KRT23: variants seen among roughly 807,000 people sequenced by gnomAD.
KRT23 encodes the protein keratin 23, also known as keratin, type I cytoskeletal 23.
A neutral mutation model predicts 47.6 loss-of-function variants in KRT23; 38 were observed. That is an observed-to-expected ratio of 0.80 (90% CI 0.62 to 1.05). KRT23 has a LOEUF of 1.05. Among genes scored for constraint, KRT23 ranks in the 50% least tolerant of loss-of-function variants. The probability of loss-of-function intolerance (pLI) is 0.00; values close to 1 mark genes in which losing one functional copy is unlikely to be tolerated. For missense variants in KRT23, 503 were observed against 529.5 expected (o/e 0.95, Z 0.49); for synonymous variants, 191 against 199.0 (o/e 0.96, Z 0.34).
rs1910095162 is a variant in KRT23 at position 40,936,589 on chromosome 17, GT to G, written c.14del (p.His5ProfsTer64). 1 of 1,515,660 alleles carries G rather than the reference GT, an allele frequency of 6.6e-7. No individual in the cohort carries two copies. The highest frequency in any genetic ancestry group is 1.4e-5 in the African/African-American group (1 of 71,552). The allele number at this position is 1,515,660 out of a possible 1,614,324, so 93.9% of individuals were successfully genotyped here. On this transcript the variant is annotated frameshift_variant, in exon 2 of 9. Coordinates refer to ENST00000209718, the MANE Select transcript of KRT23 (RefSeq NM_015515.5). LOFTEE classifies it high-confidence loss of function. ...AGGCCGAGGGGGTCTGGCTGAAGCT[GT>G]GTCCGGAGTTCATGGTCCCATCTGT... MNSG[H>X]SFSQTPSASF...
At chr17:40,931,333 C>T (rs1433243029) in intron 3 of KRT23, 40 bp downstream of exon 3, 1 of 1,492,412 alleles carries the variant, frequency 6.7e-7, no homozygotes, top group African/African-American at 1.4e-5. Flanking sequence ...GTAAAGCAAA[C>T]AAACAAAAAC....
At chr17:40,929,733 T>C (rs1597879709) in intron 4 of KRT23, 1 of 483,776 alleles carries the variant, frequency 2.1e-6, no homozygotes, top group Non-Finnish European at 3.6e-6. Context: ...TAATTATGAT[T>C]GCATTTTGGT....
intron 6 of KRT23, 97 bp downstream of exon 6, chr17:40,928,141 C>T: frequency 2.0e-6 from 3 of 1,480,188 alleles, no homozygotes; most frequent in Non-Finnish European, 2.8e-6. Flanking sequence ...TGAGAGTTGT[C>T]CCAAGGGAGT....
At chr17:40,928,733 T>C in intron 4 of KRT23, 126 bp from the exon 5 acceptor site, 1 of 819,330 alleles carries the variant, frequency 1.2e-6, no homozygotes, top group South Asian at 1.9e-5. Flanking sequence ...CCACTGTCAC[T>C]GGTTTGGTTT....
At chr17:40,925,666 T>C (rs1597874897) in intron 6 of KRT23, 92 bp from the exon 7 acceptor site, 1 of 951,954 alleles carries the variant, frequency 1.1e-6, no homozygotes, top group Non-Finnish European at 1.6e-6. Flanking sequence ...TGTCGACCAG[T>C]TGGCTAGGTG....
intron 4 of KRT23, chr17:40,929,618 G>T: frequency 4.1e-6 from 1 of 241,626 alleles, no homozygotes; most frequent in Non-Finnish European, 7.9e-6. Context: ...TGAACATTGG[G>T]CCAGTGATGG....
At position 40,922,927 on chromosome 17, in the gene KRT23, CTG is replaced by C. The variant is rs1909010724; in HGVS notation, c.*60_*61del. ...TCTTTTAGAACTCACTCACTGGTGT[CTG>C]TGCAAGGACTTTCCTTGGGGGAAAA... On this transcript the variant is annotated 3_prime_UTR_variant, in exon 9 of 9. Transcript: ENST00000209718. 8 of 1,151,776 alleles carry C rather than the reference CTG, an allele frequency of 6.9e-6. No homozygotes were observed. The highest frequency in any genetic ancestry group is 1.0e-5 in the Non-Finnish European group (8 of 763,970). The allele number at this position is 1,151,776 out of a possible 1,614,324, so 71.3% of individuals were successfully genotyped here. A position where few individuals can be genotyped will look rare whatever the true frequency, so the allele number is the denominator to read the frequency against.
In KRT23 at chr17:40,936,661, A is replaced by G; in HGVS notation, c.-58T>C. On this transcript the variant is annotated 5_prime_UTR_variant, in exon 2 of 9. Coordinates refer to ENST00000209718, the MANE Select transcript of KRT23 (RefSeq NM_015515.5). ...CTGCTCCACTCCCTGGCACCGCAGA[A>G]CTGAGCCGCCCCAGACTGCCCTGGA... The G allele has an allele frequency of 6.9e-7, 1 of 1,459,216 alleles. No individual in the cohort carries two copies. Among genetic ancestry groups the G allele is most frequent in the Non-Finnish European group, 9.1e-7 (1 of 1,104,242 alleles). The allele number at this position is 1,459,216 out of a possible 1,614,324, so 90.4% of individuals were successfully genotyped here.
At chr17:40,930,501 C>T (rs1432062680) in intron 3 of KRT23, among the ~76,000 whole-genome samples, 1 of 152,114 alleles carries the variant, frequency 6.6e-6, no homozygotes, top group Non-Finnish European at 1.5e-5. Context: ...CACGGTGGCT[C>T]ACACCTGTAA....
Position 40,936,677 on chromosome 17 carries a change from C to G in KRT23, c.-74G>C. 1 of 1,410,800 alleles carries G rather than the reference C, an allele frequency of 7.1e-7. No homozygotes were observed. The highest frequency in any genetic ancestry group is 9.4e-7 in the Non-Finnish European group (1 of 1,066,618). 87.4% of individuals were successfully genotyped at this position (1,410,800 alleles called of 1,614,324 possible). ...CACCGCAGAACTGAGCCGCCCCAGACTGCCCTGGATGGTTTTATGGCCTTT... is the reference window on the plus strand; with the variant it reads ...CACCGCAGAACTGAGCCGCCCCAGAGTGCCCTGGATGGTTTTATGGCCTTT... On this transcript the variant is annotated 5_prime_UTR_variant, in exon 2 of 9. Transcript: ENST00000209718.
Position 40,936,533 on chromosome 17 carries a change from C to T in KRT23, c.71G>A (p.Arg24Gln), listed in dbSNP as rs376457106. 5.5e-5 allele frequency: 83 copies of T among 1,521,738 alleles called. No individual in the cohort carries two copies. The African/African-American group carries it at 1.0e-3, about 19-fold the overall frequency. 94.3% of individuals were successfully genotyped at this position (1,521,738 alleles called of 1,614,324 possible). A position where few individuals can be genotyped will look rare whatever the true frequency, so the allele number is the denominator to read the frequency against. ...SFHGAGGGWG[R>Q]PRSFPRAPTV... Reference sequence around the variant, plus strand: ...GGGAGCCCTGGGGAAGCTCCTGGGCCGGCCCCAGCCACCTCCGGCGCCATG... The same window carrying T: ...GGGAGCCCTGGGGAAGCTCCTGGGCTGGCCCCAGCCACCTCCGGCGCCATG... Residue 24 changes from arginine (R) to glutamine (Q), a missense_variant, in exon 2 of 9, where the codon CGG becomes CAG. Coordinates refer to ENST00000209718, the MANE Select transcript of KRT23 (RefSeq NM_015515.5).
At chr17:40,937,137 G>C (rs780454276) in intron 1 of KRT23, 184 bp from the exon 2 acceptor site, 1 of 152,548 alleles carries the variant, frequency 6.6e-6, no homozygotes. Context: ...CCTCTAAAGG[G>C]AGGGTGAGCG....
At chr17:40,929,477 G>A (rs1035391267) in intron 4 of KRT23, among the ~76,000 whole-genome samples, 6 of 152,188 alleles carry the variant, frequency 3.9e-5, no homozygotes, top group Admixed American at 2.6e-4. Context: ...GAGTCTTGAG[G>A]ACTTGTGATG....
chr17:40,924,922 C>T (rs1909131300), intron 7 of KRT23, among the ~76,000 whole-genome samples: 1 of 151,914 alleles, frequency 6.6e-6, no homozygotes, highest in South Asian at 2.1e-4. Flanking sequence ...CTTTATATGG[C>T]CAGCTGTTGT....
Position 40,936,809 on chromosome 17 carries a change from T to C in KRT23, c.-206A>G. ...AAAGTGCCCCTGGGCCTTCGCACAC[T>C]GTTGTTGTTTAGAGCCACATCAATA... On this transcript the variant is annotated 5_prime_UTR_variant, in exon 2 of 9. Transcript: ENST00000209718. The C allele has an allele frequency of 6.9e-6, 3 of 436,086 alleles. No homozygotes were observed. The highest frequency in any genetic ancestry group is 1.2e-5 in the Non-Finnish European group (3 of 251,012). 27.0% of individuals were successfully genotyped at this position (436,086 alleles called of 1,614,324 possible).
intron 2 of KRT23, 61 bp from the exon 3 acceptor site, chr17:40,931,516 G>T: frequency 1.7e-6 from 2 of 1,169,964 alleles, no homozygotes; most frequent in Non-Finnish European, 1.3e-6. Context: ...ACACATGACC[G>T]CTGCATGTCT....
intron 7 of KRT23, 152 bp downstream of exon 7, chr17:40,925,202 A>C (rs1177196281): frequency 4.7e-6 from 3 of 635,152 alleles, no homozygotes; most frequent in Admixed American, 5.5e-5. Context: ...GCTTAGTGAA[A>C]TACAGCCAGC....
chr17:40,925,167 T>A (rs1909144580), intron 7 of KRT23, 187 bp downstream of exon 7: 2 of 601,966 alleles, frequency 3.3e-6, no homozygotes, highest in Non-Finnish European at 3.0e-6. Flanking sequence ...GTCCTGTGAG[T>A]ATTAGTTGAT....
chr17:40,930,720 C>T (rs540519083), intron 3 of KRT23, among the ~76,000 whole-genome samples: 7 of 151,916 alleles, frequency 4.6e-5, no homozygotes, highest in African/African-American at 1.4e-4. Flanking sequence ...GCCGAGATCA[C>T]GCCACTACAC....
Sources: gnomAD v4.1 joint callset for allele counts (sites outside exome capture counted in the v4.1 genomes callset) on GRCh38, gnomAD v4.1.1 for gene constraint, MANE v1.5 for transcripts, NCBI Gene and HGNC (gene_info 2026-07-23, HGNC 2026-07-21) for gene names.